HFM1: variants seen among roughly 807,000 people sequenced by gnomAD.
HFM1 encodes probable ATP-dependent DNA helicase HFM1.
In HFM1, 169 loss-of-function variants were observed where a neutral mutation model predicts 192.1. The ratio of observed to expected loss-of-function variants is 0.88; its 90% CI spans 0.78 to 1.00. The LOEUF is 1.00. Among genes scored for constraint, HFM1 ranks in the 50% least tolerant of loss-of-function variants. The pLI is 0.00. For synonymous variants in HFM1, 525 were observed against 537.8 expected (o/e 0.98, Z 0.33); for missense variants, 1,661 against 1,668.0 (o/e 1.00, Z 0.07).
chr1:91,297,493 C>T (rs921585414), intron 30 of HFM1, among the ~76,000 whole-genome samples: 4 of 152,200 alleles, frequency 2.6e-5, no homozygotes, highest in Admixed American at 1.3e-4. Flanking sequence ...AGACTGCCTC[C>T]TCAAGTGGGT....
intron 23 of HFM1, among the ~76,000 whole-genome samples, chr1:91,320,703 T>C (rs1160826513): frequency 6.6e-6 from 1 of 152,090 alleles, no homozygotes; most frequent in Non-Finnish European, 1.5e-5. Flanking sequence ...AGCTAGTAGG[T>C]ACAGAACCAT....
chr1:91,351,071 C>T (rs1380208968), intron 17 of HFM1, among the ~76,000 whole-genome samples, 200 bp from the exon 18 acceptor site: 1 of 152,002 alleles, frequency 6.6e-6, no homozygotes, highest in Non-Finnish European at 1.5e-5. Context: ...TACTCTATGG[C>T]TGTAGAAGAC....
chr1:91,318,577 T>G (rs1450247674), intron 25 of HFM1, among the ~76,000 whole-genome samples: 1 of 152,046 alleles, frequency 6.6e-6, no homozygotes, highest in Non-Finnish European at 1.5e-5. Flanking sequence ...GACAAAATAA[T>G]CAGGCACAAT....
Position 91,378,086 on chromosome 1 carries a change from G to T in HFM1, c.1334C>A (p.Thr445Asn). ...VQSVSQTLKN[T>N]STAIPMRFVA... is the part of the protein sequence containing the mutation. ...AAATCGCATTGGAATAGCAGTGCTG[G>T]TATTTTTTAAAGTCTGAGAAACAGA... is the stretch of plus-strand genomic sequence containing the variant. Residue 445 changes from threonine to asparagine, a missense_variant, in exon 11 of 39, where the codon ACC becomes AAC. Physicochemically the swap from Thr to Asn is moderately conservative, Grantham distance 65. Coordinates refer to ENST00000370425, the MANE Select transcript of HFM1 (RefSeq NM_001017975.6). The T allele has an allele frequency of 6.2e-7, 1 of 1,611,366 alleles. No homozygotes were observed. The highest frequency in any genetic ancestry group is 8.5e-7 in the Non-Finnish European group (1 of 1,178,108).
chr1:91,368,089 G>T (rs1311167870), intron 13 of HFM1, among the ~76,000 whole-genome samples: 11 of 152,154 alleles, frequency 7.2e-5, no homozygotes, highest in Non-Finnish European at 1.5e-4. Context: ...AAGAAATATG[G>T]GACTATGTGA....
At chr1:91,288,671 C>T (rs1051197940) in intron 30 of HFM1, among the ~76,000 whole-genome samples, 3 of 151,918 alleles carry the variant, frequency 2.0e-5, no homozygotes, top group Non-Finnish European at 4.4e-5. Flanking sequence ...ACACAGCACA[C>T]GTTTGAGAGC....
chr1:91,278,944 T>C (rs764273481), intron 30 of HFM1, among the ~76,000 whole-genome samples: 2 of 151,896 alleles, frequency 1.3e-5, no homozygotes, highest in Non-Finnish European at 2.9e-5. Context: ...TCAAGAAACA[T>C]AAAAAATAAT....
At chr1:91,381,999 C>A (rs1005481661) in intron 6 of HFM1, among the ~76,000 whole-genome samples, 1 of 152,136 alleles carries the variant, frequency 6.6e-6, no homozygotes, top group African/African-American at 2.4e-5. Flanking sequence ...TCCCTCCCCG[C>A]ATCAGCCCCT....
intron 30 of HFM1, among the ~76,000 whole-genome samples, chr1:91,291,660 C>G (rs1348345611): frequency 6.6e-6 from 1 of 152,104 alleles, no homozygotes; most frequent in Non-Finnish European, 1.5e-5. Context: ...TGAAACTATT[C>G]CAATCAATAG....
At chr1:91,381,338 G>T (rs1419419401) in intron 6 of HFM1, among the ~76,000 whole-genome samples, 1 of 152,094 alleles carries the variant, frequency 6.6e-6, no homozygotes, top group African/African-American at 2.4e-5. Context: ...CCTTGACAAG[G>T]CCACTTGATT....
At chr1:91,298,720 T>C (rs1304191967) in intron 30 of HFM1, among the ~76,000 whole-genome samples, 1 of 152,158 alleles carries the variant, frequency 6.6e-6, no homozygotes, top group African/African-American at 2.4e-5. Context: ...TAAAATCCTT[T>C]ACAGACAAGC....
intron 18 of HFM1, 22 bp downstream of exon 18, chr1:91,350,716 T>C: frequency 6.2e-7 from 1 of 1,608,476 alleles, no homozygotes; most frequent in Non-Finnish European, 8.5e-7. Flanking sequence ...AATTACTACT[T>C]TTCCAAGTCA....
rs550836659 is a variant in HFM1, at chr1:91,292,470, A to T, written c.3392-15408T>A. Among the ~76,000 whole-genome samples, 9 of 150,308 alleles carry T rather than the reference A, an allele frequency of 6.0e-5. No homozygotes were observed. In the East Asian group the frequency reaches 1.2e-3, roughly 19 times the overall value. Reference sequence around the variant, plus strand: ...ATTCACAATTGCTTCAAAGAGAATAAAATACCTAGGAATCCAACTTACAAG... The same window carrying T: ...ATTCACAATTGCTTCAAAGAGAATATAATACCTAGGAATCCAACTTACAAG... On this transcript the variant is annotated intron_variant, in intron 30 of 38. Transcript: ENST00000370425.
At chr1:91,297,152 C>T (rs1647747512) in intron 30 of HFM1, among the ~76,000 whole-genome samples, 1 of 152,208 alleles carries the variant, frequency 6.6e-6, no homozygotes, top group African/African-American at 2.4e-5. Context: ...ATATCACGCG[C>T]CTGGCTCGGA....
chr1:91,307,152 C>T (rs913077373), intron 30 of HFM1, among the ~76,000 whole-genome samples: 2 of 152,024 alleles, frequency 1.3e-5, no homozygotes, highest in Admixed American at 6.6e-5. Context: ...CAAATCTCAG[C>T]TTTGTTGATT....
chr1:91,287,187 T>C (rs1668088562), intron 30 of HFM1, among the ~76,000 whole-genome samples: 1 of 152,228 alleles, frequency 6.6e-6, no homozygotes, highest in Non-Finnish European at 1.5e-5. Flanking sequence ...CCTGCCTCTG[T>C]AGGCTCCACC....
intron 28 of HFM1, among the ~76,000 whole-genome samples, chr1:91,314,854 A>T (rs1362626099): frequency 6.6e-6 from 1 of 152,212 alleles, no homozygotes; most frequent in Non-Finnish European, 1.5e-5. Flanking sequence ...ATTCTCTATA[A>T]GTGGGTCATG....
intron 30 of HFM1, among the ~76,000 whole-genome samples, chr1:91,290,176 A>G (rs1668572840): frequency 6.6e-6 from 1 of 152,200 alleles, no homozygotes; most frequent in African/African-American, 2.4e-5. Context: ...CATCATAATG[A>G]CAGGATCAAA....
intron 25 of HFM1, among the ~76,000 whole-genome samples, chr1:91,317,185 C>T (rs950555727): frequency 5.9e-5 from 9 of 152,150 alleles, no homozygotes; most frequent in Non-Finnish European, 8.8e-5. Flanking sequence ...GAGGCCAAGG[C>T]GGGCGGATCA....
Sources: allele counts gnomAD v4.1 joint callset (sites outside exome capture counted in the v4.1 genomes callset), GRCh38; gene constraint gnomAD v4.1.1; transcripts MANE v1.5; gene names NCBI Gene and HGNC (gene_info 2026-07-23, HGNC 2026-07-21).